Variants in PLCH2 observed in about 807,000 individuals in gnomAD.
PLCH2 encodes phospholipase C eta 2.
PLCH2 carries 98 observed loss-of-function variants against 134.7 expected under a neutral mutation model. The ratio of observed to expected loss-of-function variants is 0.73; its 90% CI spans 0.62 to 0.86. PLCH2 has a LOEUF of 0.86. PLCH2 is among the 40% of genes least tolerant of loss of function. The pLI is 0.00. For missense variants in PLCH2, 1,994 were observed against 1,986.6 expected (o/e 1.00, Z -0.07); for synonymous variants, 974 against 827.5 (o/e 1.18, Z -3.04).
At chr1:2,447,636 G>C (rs919955508) in intron 2 of PLCH2, among the ~76,000 whole-genome samples, 3 of 152,196 alleles carry the variant, frequency 2.0e-5, no homozygotes, top group Admixed American at 6.5e-5. Context: ...GCTTGGGGGT[G>C]GGGGCAAGTT....
intron 16 of PLCH2, 109 bp downstream of exon 16, chr1:2,497,718 G>A (rs1570477837): frequency 5.2e-6 from 4 of 772,990 alleles, no homozygotes; most frequent in Admixed American, 2.4e-5. Flanking sequence ...GGGTGGGGGC[G>A]GCTTTGGCAG....
Position 2,498,647 on chromosome 1 carries a change from G to GGTGGGGGCC in PLCH2, c.2349+1_2349+9dup, listed in dbSNP as rs142848828. The stretch of plus-strand genomic sequence containing the variant: ...ACTCCATGCTGGGGGACCGTGGGGA[G>GGTGGGGGCC]GTGGGGGCCAGCCCCACACAGGCGG... On this transcript the variant is annotated inframe_insertion and splice_region_variant. Transcript: ENST00000378486. The surrounding 1 kb of genome is among the most constrained non-coding windows in gnomAD (Gnocchi z 5.4). 0.067 allele frequency: 104,126 copies of GGTGGGGGCC among 1,562,734 alleles called. 4,006 individuals are homozygous for GGTGGGGGCC. Among genetic ancestry groups the GGTGGGGGCC allele is most frequent in the South Asian group, 0.1 (8,553 of 85,260 alleles).
At chr1:2,501,967 C>T (rs1172975387) in intron 20 of PLCH2, 145 bp from the exon 21 acceptor site, 3 of 691,692 alleles carry the variant, frequency 4.3e-6, no homozygotes, top group Non-Finnish European at 6.8e-6. Flanking sequence ...TGTGTCCACA[C>T]ACCCCCAGCC....
chr1:2,440,215 A>T (rs571474293), intron 2 of PLCH2, among the ~76,000 whole-genome samples: 37 of 152,150 alleles, frequency 2.4e-4, no homozygotes, highest in African/African-American at 8.2e-4. Flanking sequence ...GTCTGTGGGT[A>T]TGGCCCAGGA....
In PLCH2 at chr1:2,489,665, C is replaced by A. The variant is rs1570445705; in HGVS notation, c.1408-95C>A. ...TGCCAAAACTGAGCTTGAGAAAAGG[C>A]CCCTCTCCTTGGCCGGCGGCTCTTT... On this transcript the variant is annotated intron_variant, in intron 9 of 21. Coordinates refer to ENST00000378486, the MANE Select transcript of PLCH2 (RefSeq NM_014638.4). 8 of 993,082 alleles carry A rather than the reference C, an allele frequency of 8.1e-6. No homozygotes were observed. In the East Asian group the frequency reaches 1.9e-4, roughly 24 times the overall value. 61.5% of individuals were successfully genotyped at this position (993,082 alleles called of 1,614,324 possible). A position where few individuals can be genotyped will look rare whatever the true frequency, so the allele number is the denominator to read the frequency against.
chr1:2,419,971 C>G, the PLCH2 span, among the ~76,000 whole-genome samples: 6 of 137,122 alleles, frequency 4.4e-5, no homozygotes, highest in African/African-American at 1.0e-4. Flanking sequence ...GTCCCCCCCC[C>G]ACCCCCAGGC....
intron 2 of PLCH2, among the ~76,000 whole-genome samples, chr1:2,462,070 ACCACTC>A (rs1640830373): frequency 8.7e-6 from 1 of 115,414 alleles, no homozygotes; most frequent in Non-Finnish European, 1.8e-5. Context: ...TCCACCTGAC[ACCACTC>A]CGCTTGACAA....
At chr1:2,445,084 C>T (rs929874289) in intron 2 of PLCH2, among the ~76,000 whole-genome samples, 2 of 152,016 alleles carry the variant, frequency 1.3e-5, no homozygotes, top group African/African-American at 2.4e-5. Context: ...TGGGAGAAGT[C>T]GTCTCTAAAT....
At position 2,498,229 on chromosome 1, in the gene PLCH2, C is replaced by A; in HGVS notation, c.2225-294C>A. The A allele has an allele frequency of 4.8e-6, 2 of 415,160 alleles. No homozygotes were observed. Among genetic ancestry groups the A allele is most frequent in the Admixed American group, 4.1e-5 (1 of 24,644 alleles). 25.7% of individuals were successfully genotyped at this position (415,160 alleles called of 1,614,324 possible). A position where few individuals can be genotyped will look rare whatever the true frequency, so the allele number is the denominator to read the frequency against. ...GGGGACACTGTCACCAGAGACCCCACCCCTCATACCCCCAGGGACCCAGAC... is the reference window on the plus strand; with the variant it reads ...GGGGACACTGTCACCAGAGACCCCAACCCTCATACCCCCAGGGACCCAGAC... On this transcript the variant is annotated intron_variant, in intron 16 of 21. Transcript: ENST00000378486. The surrounding 1 kb of genome is among the most constrained non-coding windows in gnomAD (Gnocchi z 5.4).
At chr1:2,501,795 A>C in intron 20 of PLCH2, 3 of 325,300 alleles carry the variant, frequency 9.2e-6, no homozygotes, top group Non-Finnish European at 1.7e-5. Context: ...TCCGGAGGGA[A>C]AGACCTTCTC....
chr1:2,418,356 C>T, the PLCH2 span, among the ~76,000 whole-genome samples: 193 of 152,254 alleles, frequency 1.3e-3, 3 homozygotes, highest in African/African-American at 4.3e-3. Flanking sequence ...AGCTGGCTCC[C>T]GGGTCTGGAT....
chr1:2,434,373 T>G (rs942241258), intron 2 of PLCH2, among the ~76,000 whole-genome samples: 1 of 151,950 alleles, frequency 6.6e-6, no homozygotes, highest in Non-Finnish European at 1.5e-5. Flanking sequence ...GTGGGGCCCC[T>G]TCTCTCCCGG....
chr1:2,420,857 GT>G, the PLCH2 span, among the ~76,000 whole-genome samples: 1 of 151,978 alleles, frequency 6.6e-6, no homozygotes, highest in African/African-American at 2.4e-5. Context: ...TGTGTATCTC[GT>G]TTTTTGTATT....
chr1:2,495,845 C>G (rs548264279), intron 13 of PLCH2, among the ~76,000 whole-genome samples: 1 of 152,026 alleles, frequency 6.6e-6, no homozygotes, highest in Non-Finnish European at 1.5e-5. Flanking sequence ...CGGTCCTCAC[C>G]GCCTCCTCTT....
Position 2,476,434 on chromosome 1 carries a change from G to A in PLCH2, c.-155G>A. On this transcript the variant is annotated 5_prime_UTR_variant, in exon 1 of 22. Transcript: ENST00000378486. ...CCGGGCCTGGGCACAGCCCTGTGGG[G>A]GCTTCGGAGGGCCCTGAGGAGGAGG... The A allele has an allele frequency of 5.6e-6, 4 of 709,182 alleles. No homozygotes were observed. Among genetic ancestry groups the A allele is most frequent in the Middle Eastern group, 4.2e-4 (1 of 2,408 alleles). 43.9% of individuals were successfully genotyped at this position (709,182 alleles called of 1,614,324 possible).
chr1:2,479,870 C>A lies in PLCH2; in HGVS notation c.408C>A (p.Val136=). The A allele has an allele frequency of 6.2e-7, 1 of 1,611,790 alleles. No homozygotes were observed. The highest frequency in any genetic ancestry group is 1.3e-5 in the African/African-American group (1 of 75,032). The change falls in exon 3 of 22, where the codon GTC becomes GTA. Residue 136 remains valine (V), a synonymous_variant. Coordinates refer to ENST00000378486, the MANE Select transcript of PLCH2 (RefSeq NM_014638.4). ...HGSHRESLDL[V]STSSEVARTW... ...GCCACCGCGAGTCGCTGGACCTGGTCTCCACCAGCAGCGAGGTGGCGCGCA... is the reference window on the plus strand; with the variant it reads ...GCCACCGCGAGTCGCTGGACCTGGTATCCACCAGCAGCGAGGTGGCGCGCA...
chr1:2,448,160 C>A lies in PLCH2; in HGVS notation c.115+17531C>A, dbSNP rs976446909. ...CTTGCCCTCCTGGAGCGCCAGGTGC[C>A]CCGGGTGTCTGGAGCACCACGACAT... On this transcript the variant is annotated intron_variant, in intron 2 of 3. Coordinates refer to the PLCH2 transcript ENST00000609981. This position sits in a 1 kb window ranked among gnomAD's most constrained non-coding sequence, Gnocchi z 4.0. Among the ~76,000 whole-genome samples the A allele has an allele frequency of 1.3e-5, 2 of 152,222 alleles. No individual in the cohort carries two copies. The highest frequency in any genetic ancestry group is 4.8e-5 in the African/African-American group (2 of 41,464).
chr1:2,472,139 G>A (rs935398589), upstream of PLCH2, among the ~76,000 whole-genome samples: 2 of 152,190 alleles, frequency 1.3e-5, no homozygotes, highest in Non-Finnish European at 2.9e-5. Context: ...GGGAGGGCTC[G>A]AGGCACCGAC....
At chr1:2,433,852 T>C (rs1404372003) in intron 2 of PLCH2, among the ~76,000 whole-genome samples, 1 of 152,302 alleles carries the variant, frequency 6.6e-6, no homozygotes, top group East Asian at 1.9e-4. Flanking sequence ...AGCCATCGAC[T>C]CCCTCCACGG....
Sources: allele counts gnomAD v4.1 joint callset (sites outside exome capture counted in the v4.1 genomes callset), GRCh38; gene constraint gnomAD v4.1.1; non-coding constraint Gnocchi (gnomAD v3.1); transcripts MANE v1.5; gene names NCBI Gene and HGNC (gene_info 2026-07-23, HGNC 2026-07-21).